AKR1C2: variants seen among roughly 807,000 people sequenced by gnomAD.
AKR1C2 encodes the protein aldo-keto reductase family 1 member C2.
A neutral mutation model predicts 39.8 loss-of-function variants in AKR1C2; 27 were observed. The observed-to-expected ratio is 0.68, with a 90% CI of 0.50 to 0.93. The LOEUF is 0.93. AKR1C2 is among the 40% of genes least tolerant of loss of function. The pLI is 0.00. For synonymous variants in AKR1C2, 114 were observed against 137.9 expected, an observed-to-expected ratio of 0.83 and a Z score of 1.22; for missense variants, 263 against 365.1, an observed-to-expected ratio of 0.72 and a Z score of 2.28.
At chr10:5,016,199 C>T (rs1588313710) in intron 1 of AKR1C2, among the ~76,000 whole-genome samples, 3 of 152,306 alleles carry the variant, frequency 2.0e-5, no homozygotes, top group South Asian at 4.1e-4. Flanking sequence ...ATAATTATGC[C>T]TTCCTAACAG....
intron 1 of AKR1C2, among the ~76,000 whole-genome samples, chr10:5,014,145 G>A (rs1469115259): frequency 1.3e-5 from 2 of 152,128 alleles, no homozygotes; most frequent in East Asian, 1.9e-4. Flanking sequence ...ATTGTGAATA[G>A]AATTATTATG....
intron 1 of AKR1C2, among the ~76,000 whole-genome samples, chr10:5,012,375 T>C (rs1300857839): frequency 2.0e-5 from 3 of 151,790 alleles, no homozygotes; most frequent in Admixed American, 2.0e-4. Flanking sequence ...ACTTTGCAGA[T>C]GTGATTATGT....
At chr10:5,007,614 A>G (rs1318101545), upstream of AKR1C2, 4 of 150,198 alleles carry the variant, frequency 2.7e-5, no homozygotes, top group African/African-American at 7.4e-5. Context: ...GAGGATATAA[A>G]GGAGAAAAAG....
rs1204529328 is a variant in AKR1C2, at chr10:4,988,013, T to A, written c.*1983A>T. On this transcript the variant is annotated 3_prime_UTR_variant, in exon 9 of 9. Coordinates refer to ENST00000380753, the MANE Select transcript of AKR1C2 (RefSeq NM_001393392.1). ...TTATGAAATTCTGAGTAACTTTTTT[T>A]TTTTAACAATAAGAGTTTTATAAAA... 6.6e-6 allele frequency: 1 copy of A among 152,064 alleles called. No individual in the cohort carries two copies. Among genetic ancestry groups the A allele is most frequent in the Non-Finnish European group, 1.5e-5 (1 of 68,026 alleles). The allele number at this position is 152,064 out of a possible 1,614,324, so 9.4% of individuals were successfully genotyped here. A position where few individuals can be genotyped will look rare whatever the true frequency, so the allele number is the denominator to read the frequency against.
chr10:4,991,485 T>A (rs1836842289), intron 8 of AKR1C2, among the ~76,000 whole-genome samples: 4 of 152,142 alleles, frequency 2.6e-5, no homozygotes, highest in Admixed American at 2.6e-4. Flanking sequence ...TTTGGAAACA[T>A]CTAATGCGAC....
At chr10:5,012,472 C>A in intron 1 of AKR1C2, among the ~76,000 whole-genome samples, 1 of 151,040 alleles carries the variant, frequency 6.6e-6, no homozygotes. Context: ...CCAGGAGGGC[C>A]ACAATCAAAG....
At chr10:4,992,688 C>G (rs576158826) in intron 7 of AKR1C2, among the ~76,000 whole-genome samples, 1 of 147,588 alleles carries the variant, frequency 6.8e-6, no homozygotes, top group Admixed American at 6.6e-5. Flanking sequence ...CGTTGGCTCA[C>G]GCCTATAATC....
At chr10:4,992,117 A>G (rs1289754140) in intron 7 of AKR1C2, among the ~76,000 whole-genome samples, 21 of 147,096 alleles carry the variant, frequency 1.4e-4, no homozygotes, top group Non-Finnish European at 2.6e-4. Context: ...CAGATAAAAT[A>G]TTTTGAAACT....
At chr10:4,992,205 G>T (rs542799925) in intron 7 of AKR1C2, among the ~76,000 whole-genome samples, 5 of 150,514 alleles carry the variant, frequency 3.3e-5, no homozygotes, top group Non-Finnish European at 5.9e-5. Flanking sequence ...CCACATGATA[G>T]GGCCATGTAC....
At chr10:5,009,361 C>G (rs1173711756) in intron 1 of AKR1C2, among the ~76,000 whole-genome samples, 3 of 151,990 alleles carry the variant, frequency 2.0e-5, no homozygotes, top group African/African-American at 7.3e-5. Flanking sequence ...TACTATTGCT[C>G]AATACTATTG....
At chr10:5,010,709 T>C (rs1210288217) in intron 1 of AKR1C2, 1 of 152,190 alleles carries the variant, frequency 6.6e-6, no homozygotes, top group Admixed American at 6.5e-5. Flanking sequence ...GCAAAGCTTT[T>C]ATAGCAAAAT....
At chr10:4,991,162 G>A (rs1836827552) in intron 8 of AKR1C2, among the ~76,000 whole-genome samples, 1 of 151,126 alleles carries the variant, frequency 6.6e-6, no homozygotes, top group Non-Finnish European at 1.5e-5. Context: ...TCTACACTCT[G>A]CATTTGATTT....
At chr10:5,006,447 G>C (rs1290831245), upstream of AKR1C2, 2 of 152,010 alleles carry the variant, frequency 1.3e-5, no homozygotes, top group Non-Finnish European at 2.9e-5. Flanking sequence ...ACTAAAAATA[G>C]AAAAAATTAG....
upstream of AKR1C2, among the ~76,000 whole-genome samples, chr10:5,007,659 A>G (rs1401293422): frequency 6.0e-5 from 9 of 151,118 alleles, no homozygotes; most frequent in African/African-American, 2.2e-4. Flanking sequence ...TCTTACATAC[A>G]AAATCCAATC....
At chr10:4,998,865 T>A (rs1554773480) in intron 4 of AKR1C2, 118 bp from the exon 5 acceptor site, 1 of 1,486,490 alleles carries the variant, frequency 6.7e-7, no homozygotes, top group Non-Finnish European at 9.0e-7. Context: ...TAGCTAGCCG[T>A]GGTTCTTAAA....
upstream of AKR1C2, among the ~76,000 whole-genome samples, chr10:5,008,566 T>A (rs1279249818): frequency 1.3e-5 from 2 of 152,186 alleles, no homozygotes; most frequent in Non-Finnish European, 2.9e-5. Context: ...GGAAAGAAAC[T>A]GATCTCAGGA....
upstream of AKR1C2, among the ~76,000 whole-genome samples, chr10:5,004,551 C>A (rs1265757676): frequency 6.6e-6 from 1 of 152,172 alleles, no homozygotes; most frequent in Non-Finnish European, 1.5e-5. Context: ...TTGTAACATG[C>A]AAACAGTGCC....
intron 3 of AKR1C2, chr10:5,000,181 T>C (rs1224421545): frequency 7.1e-7 from 1 of 1,399,144 alleles, no homozygotes; most frequent in East Asian, 2.6e-5. Context: ...GTGCACCCTA[T>C]GTGCAGCAGG....
chr10:4,990,909 A>T (rs1554772149), intron 8 of AKR1C2, among the ~76,000 whole-genome samples: 1 of 151,342 alleles, frequency 6.6e-6, no homozygotes, highest in Non-Finnish European at 1.5e-5. Flanking sequence ...CTAAGTGGAT[A>T]AAATACTACT....
Sources: allele counts gnomAD v4.1 joint callset (sites outside exome capture counted in the v4.1 genomes callset), GRCh38; gene constraint gnomAD v4.1.1; transcripts MANE v1.5; gene names NCBI Gene and HGNC (gene_info 2026-07-23, HGNC 2026-07-21).